Variants in MAPK13 observed in about 807,000 individuals in gnomAD.
MAPK13 encodes the protein MAP kinase 13.
Under a neutral mutation model 53.5 loss-of-function variants are expected in MAPK13, and 39 were observed. That is an observed-to-expected ratio of 0.73 (90% CI 0.56 to 0.95). MAPK13 has a LOEUF of 0.95. MAPK13 is among the 40% of genes least tolerant of loss of function. MAPK13 has a pLI of 0.00. For missense variants in MAPK13, 460 were observed against 471.8 expected (o/e 0.98, Z 0.23); for synonymous variants, 179 against 190.9 (o/e 0.94, Z 0.51).
At chr6:36,138,547 C>T in intron 9 of MAPK13, 103 bp downstream of exon 9, 1 of 1,305,522 alleles carries the variant, frequency 7.7e-7, no homozygotes, top group Non-Finnish European at 1.1e-6. Flanking sequence ...CAGCACCTTC[C>T]CACAGCATCC....
In MAPK13 at chr6:36,138,450, T is replaced by C; in HGVS notation, c.762+6T>C. The C allele has an allele frequency of 6.2e-7, 1 of 1,613,212 alleles. No individual in the cohort carries two copies. The highest frequency in any genetic ancestry group is 1.1e-5 in the South Asian group (1 of 90,970). Reference sequence around the variant, plus strand: ...AGAAGCTGAACGACAAAGCGGTGGGTGGTAAATGGGACCTAGGCTGGCCTG... The same window carrying C: ...AGAAGCTGAACGACAAAGCGGTGGGCGGTAAATGGGACCTAGGCTGGCCTG... On this transcript the variant is annotated splice_donor_region_variant and intron_variant, in intron 9 of 11. Coordinates refer to ENST00000211287, the MANE Select transcript of MAPK13 (RefSeq NM_002754.5).
At chr6:36,139,077 T>C in intron 11 of MAPK13, 22 bp downstream of exon 11, 2 of 1,559,172 alleles carry the variant, frequency 1.3e-6, no homozygotes, top group Non-Finnish European at 1.7e-6. Flanking sequence ...GGCCTCGGGC[T>C]TCCTCGCCTC....
rs1238363756 is a variant in MAPK13, at chr6:36,144,302, T to C, written c.*4929T>C. On this transcript the variant is annotated 3_prime_UTR_variant, in exon 12 of 12. Coordinates refer to ENST00000211287, the MANE Select transcript of MAPK13 (RefSeq NM_002754.5). ...ATGTGTATAGGTTTCTTTATTAACA[T>C]ATTGAATAAAAAGATCGAGGGTAGG... The C allele has an allele frequency of 6.6e-6, 1 of 152,226 alleles. No homozygotes were observed. Among genetic ancestry groups the C allele is most frequent in the Non-Finnish European group, 1.5e-5 (1 of 68,036 alleles). 9.4% of individuals were successfully genotyped at this position (152,226 alleles called of 1,614,324 possible).
At position 36,132,408 on chromosome 6, in the gene MAPK13, T is replaced by C. The variant is rs139065493; in HGVS notation, c.250-213T>C. Among the ~76,000 whole-genome samples the C allele has an allele frequency of 6.6e-5, 10 of 152,326 alleles. No homozygotes were observed. In the East Asian group the frequency reaches 1.9e-3, roughly 29 times the overall value. On this transcript the variant is annotated intron_variant, in intron 2 of 11. Coordinates refer to ENST00000211287, the MANE Select transcript of MAPK13 (RefSeq NM_002754.5). ...CCTTCCCTTCTCCCCAGCCTGACTCTCTGTCATGATTTATTGCAAACTCCC... is the reference window on the plus strand; with the variant it reads ...CCTTCCCTTCTCCCCAGCCTGACTCCCTGTCATGATTTATTGCAAACTCCC...
intron 5 of MAPK13, 27 bp downstream of exon 5, chr6:36,136,075 C>T: frequency 1.2e-6 from 2 of 1,613,908 alleles, no homozygotes; most frequent in Non-Finnish European, 1.7e-6. Flanking sequence ...CCATGGTCCT[C>T]AGAGGCCCCT....
In MAPK13 at chr6:36,130,687, C is replaced by G. The variant is rs1293129138; in HGVS notation, c.105C>G (p.Ala35=). The G allele has an allele frequency of 6.4e-7, 1 of 1,553,420 alleles. No individual in the cohort carries two copies. Among genetic ancestry groups the G allele is most frequent in the South Asian group, 1.1e-5 (1 of 87,120 alleles). ...CCCCGACGCACGTCGGCAGCGGGGC[C>G]TATGGCTCCGTGTGGTGAGACCCCT... The part of the protein sequence containing the change: ...YVSPTHVGSG[A]YGSVCSAIDK... The change falls in exon 1 of 12, where the codon GCC becomes GCG. Residue 35 remains alanine, a synonymous_variant. Coordinates refer to ENST00000211287, the MANE Select transcript of MAPK13 (RefSeq NM_002754.5). This position sits in a 1 kb window ranked among gnomAD's most constrained non-coding sequence, Gnocchi z 4.5.
intron 9 of MAPK13, 78 bp from the exon 10 acceptor site, chr6:36,138,622 GCT>G: frequency 6.9e-7 from 1 of 1,442,626 alleles, no homozygotes; most frequent in Middle Eastern, 1.7e-4. Flanking sequence ...TTTCAGCCCT[GCT>G]CTGAGGCTTT....
Position 36,136,941 on chromosome 6 carries a change from G to A in MAPK13, c.673G>A (p.Gly225Arg). Residue 225 changes from glycine to arginine, a missense_variant, in exon 8 of 12, where the codon GGG (glycine) becomes AGG (arginine). Coordinates refer to ENST00000211287, the MANE Select transcript of MAPK13 (RefSeq NM_002754.5). ...GCTGACAGGGAAAACTCTGTTCAAG[G>A]GGAAAGATTGTATCCTTTGCTGGAA... ...EMLTGKTLFK[G>R]KDYLDQLTQI... 3.1e-6 allele frequency: 5 copies of A among 1,614,172 alleles called. No individual in the cohort carries two copies. The highest frequency in any genetic ancestry group is 4.2e-6 in the Non-Finnish European group (5 of 1,179,990).
intron 8 of MAPK13, among the ~76,000 whole-genome samples, chr6:36,138,137 C>T (rs1766457848): frequency 6.6e-6 from 1 of 152,058 alleles, no homozygotes; most frequent in Admixed American, 6.5e-5. Flanking sequence ...GAGAAGTCCA[C>T]ATCCATTTGT....
At chr6:36,138,564 C>A in intron 9 of MAPK13, 120 bp downstream of exon 9, 1 of 1,263,362 alleles carries the variant, frequency 7.9e-7, no homozygotes, top group Non-Finnish European at 1.1e-6. Context: ...ATCCTCCTAC[C>A]CTGGCAGGCA....
rs373272386 is a variant in MAPK13, at chr6:36,138,844, C to T, written c.842-35C>T. 11 of 1,612,464 alleles carry T rather than the reference C, an allele frequency of 6.8e-6. 1 individual carries two copies. In the South Asian group the frequency reaches 8.8e-5, roughly 13 times the overall value. ...TATCCCAGAGGGCGGGCTCTCCCAG[C>T]CCCTGGTGTGAGGCTCTTGGCTCTG... is the stretch of plus-strand genomic sequence containing the variant. On this transcript the variant is annotated intron_variant, in intron 10 of 11. Coordinates refer to ENST00000211287, the MANE Select transcript of MAPK13 (RefSeq NM_002754.5).
Position 36,141,064 on chromosome 6 carries a change from G to C in MAPK13, c.*1691G>C, listed in dbSNP as rs2127487988. 6.6e-6 allele frequency: 1 copy of C among 152,298 alleles called. No homozygotes were observed. Among genetic ancestry groups the C allele is most frequent in the African/African-American group, 2.4e-5 (1 of 41,542 alleles). The allele number at this position is 152,298 out of a possible 1,614,324, so 9.4% of individuals were successfully genotyped here. ...GATCCTCCCACTTTGGCCTCCCAAA[G>C]TGCTGGGATTATAGGCATGAGCCAC... is the stretch of plus-strand genomic sequence containing the variant. On this transcript the variant is annotated 3_prime_UTR_variant, in exon 12 of 12. Transcript: ENST00000211287.
In MAPK13 at chr6:36,143,247, C is replaced by T. The variant is rs187212332; in HGVS notation, c.*3874C>T. On this transcript the variant is annotated 3_prime_UTR_variant, in exon 12 of 12. Coordinates refer to ENST00000211287, the MANE Select transcript of MAPK13 (RefSeq NM_002754.5). ...GTGTCCCAGGGCAGGGCTTGCCTGG[C>T]GTGGATTGGGGTGGTGCTGCCCCCA... 4 of 151,900 alleles carry T rather than the reference C, an allele frequency of 2.6e-5. No homozygotes were observed. Among genetic ancestry groups the T allele is most frequent in the East Asian group, 3.9e-4 (2 of 5,120 alleles). 9.4% of individuals were successfully genotyped at this position (151,900 alleles called of 1,614,324 possible). A position where few individuals can be genotyped will look rare whatever the true frequency, so the allele number is the denominator to read the frequency against.
At chr6:36,136,577 C>CCAGGGAAG (rs746045618) in intron 6 of MAPK13, 46 bp downstream of exon 6, 1 of 1,596,444 alleles carries the variant, frequency 6.3e-7, no homozygotes, top group South Asian at 1.1e-5. Context: ...AGGCCCTCCC[C>CCAGGGAAG]CAGGGAAGCC....
In MAPK13 at chr6:36,141,963, A is replaced by C. The variant is rs1488661682; in HGVS notation, c.*2590A>C. 6.6e-6 allele frequency: 1 copy of C among 152,278 alleles called. No homozygotes were observed. Among genetic ancestry groups the C allele is most frequent in the Non-Finnish European group, 1.5e-5 (1 of 68,118 alleles). The allele number at this position is 152,278 out of a possible 1,614,324, so 9.4% of individuals were successfully genotyped here. A position where few individuals can be genotyped will look rare whatever the true frequency, so the allele number is the denominator to read the frequency against. On this transcript the variant is annotated 3_prime_UTR_variant, in exon 12 of 12. Transcript: ENST00000211287. The stretch of plus-strand genomic sequence containing the variant: ...ACAGCCCTGGCCTCGCTGGTTACTA[A>C]AACTGCCCCAGGTTCCCTGAGTCTA...
Position 36,135,760 on chromosome 6 carries a change from G to A in MAPK13, c.316G>A (p.Val106Met), listed in dbSNP as rs761045728. The A allele has an allele frequency of 2.5e-6, 4 of 1,612,684 alleles. No individual in the cohort carries two copies. Among genetic ancestry groups the A allele is most frequent in the Admixed American group, 3.3e-5 (2 of 59,958 alleles). Residue 106 changes from valine (V) to methionine (M), a missense_variant, in exon 4 of 12, where the codon GTG becomes ATG. Coordinates refer to ENST00000211287, the MANE Select transcript of MAPK13 (RefSeq NM_002754.5). ...ACCCCTCATGCCTTCCAGCTACCTGGTGATGCCCTTCATGCAGACGGATCT... is the reference window on the plus strand; with the variant it reads ...ACCCCTCATGCCTTCCAGCTACCTGATGATGCCCTTCATGCAGACGGATCT... ...SLRNFYDFYL[V>M]MPFMQTDLQK...
intron 8 of MAPK13, 65 bp from the exon 9 acceptor site, chr6:36,138,300 G>A (rs1766460655): frequency 8.1e-7 from 1 of 1,229,374 alleles, no homozygotes; most frequent in South Asian, 1.2e-5. Flanking sequence ...GTGATGGTGG[G>A]GTCGCAGGAA....
Position 36,132,664 on chromosome 6 carries a change from G to GC in MAPK13, c.294dup (p.Asn99GlnfsTer4). 1.2e-6 allele frequency: 2 copies of GC among 1,614,182 alleles called. No homozygotes were observed. Among genetic ancestry groups the GC allele is most frequent in the South Asian group, 2.2e-5 (2 of 91,082 alleles). ...GTCTTCACCCCAGCCTCCTCCCTGC[G>GC]CAACTTCTATGACTTGTGAGTTGGG... On this transcript the variant is annotated frameshift_variant, in exon 3 of 12. Transcript: ENST00000211287. LOFTEE classifies it high-confidence loss of function.
At chr6:36,134,083 G>T (rs980498059) in intron 3 of MAPK13, among the ~76,000 whole-genome samples, 1 of 152,186 alleles carries the variant, frequency 6.6e-6, no homozygotes, top group African/African-American at 2.4e-5. Context: ...AAGTTTGGTG[G>T]TGAGAGAGGG....
Sources: allele counts gnomAD v4.1 joint callset (sites outside exome capture counted in the v4.1 genomes callset), GRCh38; gene constraint gnomAD v4.1.1; non-coding constraint Gnocchi (gnomAD v3.1); transcripts MANE v1.5; gene names NCBI Gene and HGNC (gene_info 2026-07-23, HGNC 2026-07-21).